The following ANOS1 variants were observed in gnomAD, a reference collection of about 807,000 sequenced individuals.
ANOS1 encodes the protein anosmin 1, also known as anosmin-1.
Under a neutral mutation model 59.0 loss-of-function variants are expected in ANOS1, and 6 were observed. The observed-to-expected ratio is 0.10, with a 90% CI of 0.06 to 0.20. The LOEUF (loss-of-function observed/expected upper bound fraction) is 0.20, where lower values mean the gene tolerates loss of function less well. Ranked by LOEUF, ANOS1 falls within the 10% of genes least tolerant of loss-of-function variation. The probability of loss-of-function intolerance (pLI) is 1.00; values close to 1 mark genes in which losing one functional copy is unlikely to be tolerated. For synonymous variants in ANOS1, 217 were observed against 223.4 expected (o/e 0.97, Z 0.25); for missense variants, 433 against 542.3 (o/e 0.80, Z 2.00).
chrX:8,605,645 CAAAAA>C (rs368596236), intron 3 of ANOS1, among the ~76,000 whole-genome samples: 1 of 47,916 alleles, frequency 2.1e-5, no homozygotes. Flanking sequence ...GACTCCATCT[CAAAAA>C]AAAAAAAAAA....
intron 2 of ANOS1, among the ~76,000 whole-genome samples, chrX:8,625,580 A>G (rs897784636): frequency 1.4e-4 from 16 of 112,223 alleles, no homozygotes; most frequent in Non-Finnish European, 2.3e-4. Flanking sequence ...ATTTGTTGCC[A>G]TCTTTTTATC....
intron 5 of ANOS1, among the ~76,000 whole-genome samples, chrX:8,587,441 A>G (rs1025561362): frequency 2.1e-4 from 23 of 111,943 alleles, no homozygotes; most frequent in Non-Finnish European, 4.1e-4. Context: ...AGATTATTAA[A>G]TGTCAAATTA....
rs1212480052 is a variant in ANOS1, at chrX:8,662,530, CAT to C, written c.255+37166_255+37167del. 4.5e-5 allele frequency among the ~76,000 whole-genome samples: 5 copies of C among 112,030 alleles called. No homozygotes were observed. In the East Asian group the frequency reaches 8.4e-4, roughly 19 times the overall value. ...AATAACATTTCATGTGGGATGCTGT[CAT>C]AGATTGGACTGTGTTCCCCCCAAAA... On this transcript the variant is annotated intron_variant, in intron 2 of 13. Coordinates refer to ENST00000262648, the MANE Select transcript of ANOS1 (RefSeq NM_000216.4).
In ANOS1 at chrX:8,623,027, GGAT is replaced by G. The variant is rs1247919386; in HGVS notation, c.318+578_318+580del. Among the ~76,000 whole-genome samples, 6 of 89,047 alleles carry G rather than the reference GGAT, an allele frequency of 6.7e-5. No individual in the cohort carries two copies. In the Admixed American group the frequency reaches 7.9e-4, roughly 12 times the overall value. 77.3% of individuals were successfully genotyped at this position (89,047 alleles called of 115,157 possible). ...TGGATGGATAGCTGGATGGATGGAT[GGAT>G]GATGGATGGATGGATGGATGGATGG... On this transcript the variant is annotated intron_variant, in intron 3 of 13. Transcript: ENST00000262648.
intron 2 of ANOS1, among the ~76,000 whole-genome samples, chrX:8,668,598 T>C (rs1932203392): frequency 9.5e-6 from 1 of 105,587 alleles, no homozygotes; most frequent in Admixed American, 1.0e-4. Flanking sequence ...ATACCATATA[T>C]ATATCACAAT....
At chrX:8,592,568 A>C (rs1193581191) in intron 4 of ANOS1, among the ~76,000 whole-genome samples, 1 of 111,484 alleles carries the variant, frequency 9.0e-6, no homozygotes, top group Non-Finnish European at 1.9e-5. Flanking sequence ...CAAGAGAGGC[A>C]GTGGGATTTG....
intron 3 of ANOS1, among the ~76,000 whole-genome samples, chrX:8,612,659 G>T (rs998610701): frequency 2.8e-5 from 3 of 108,227 alleles, no homozygotes; most frequent in African/African-American, 1.0e-4. Flanking sequence ...TTGCAAAAAG[G>T]GTTCATCACT....
chrX:8,732,088 C>A lies in ANOS1; in HGVS notation c.-52G>T. The A allele has an allele frequency of 1.2e-6, 1 of 852,787 alleles. No individual in the cohort carries two copies. Among genetic ancestry groups the A allele is most frequent in the South Asian group, 6.3e-5 (1 of 15,902 alleles). 70.3% of individuals were successfully genotyped at this position (852,787 alleles called of 1,213,427 possible). A position where few individuals can be genotyped will look rare whatever the true frequency, so the allele number is the denominator to read the frequency against. On this transcript the variant is annotated 5_prime_UTR_variant, in exon 1 of 14. It adds an upstream start codon to the 5' untranslated region. Coordinates refer to ENST00000262648, the MANE Select transcript of ANOS1 (RefSeq NM_000216.4). The stretch of plus-strand genomic sequence containing the variant: ...GGCGCCGGGCGCGGGCCGAGGCTCC[C>A]TGCTCCGCGCCGGGGCTGCACTGCT...
At chrX:8,568,996 T>C (rs1755045665) in intron 7 of ANOS1, among the ~76,000 whole-genome samples, 1 of 111,859 alleles carries the variant, frequency 8.9e-6, no homozygotes, top group Admixed American at 9.5e-5. Flanking sequence ...TATAATAAAG[T>C]AACAGAGATC....
chrX:8,633,741 C>A (rs1196262388), intron 2 of ANOS1, among the ~76,000 whole-genome samples: 1 of 112,020 alleles, frequency 8.9e-6, no homozygotes, highest in Non-Finnish European at 1.9e-5. Context: ...CAGCATCTCA[C>A]AGAGGCAGGA....
At chrX:8,600,137 G>T (rs1876382881) in intron 3 of ANOS1, among the ~76,000 whole-genome samples, 1 of 112,023 alleles carries the variant, frequency 8.9e-6, no homozygotes. Context: ...ATGCGTAAGA[G>T]TTGACGGCAA....
At chrX:8,620,199 T>G (rs1931264914) in intron 3 of ANOS1, among the ~76,000 whole-genome samples, 1 of 112,574 alleles carries the variant, frequency 8.9e-6, no homozygotes, top group Non-Finnish European at 1.9e-5. Flanking sequence ...AAGTACTCAA[T>G]TCTGTTGTTG....
intron 2 of ANOS1, among the ~76,000 whole-genome samples, chrX:8,669,532 T>C (rs1384624436): frequency 9.0e-6 from 1 of 110,619 alleles, no homozygotes; most frequent in African/African-American, 3.3e-5. Context: ...TGGCTGATGA[T>C]ATTCAGCATC....
At chrX:8,614,910 A>AAAT (rs1931139181) in intron 3 of ANOS1, among the ~76,000 whole-genome samples, 1 of 110,769 alleles carries the variant, frequency 9.0e-6, no homozygotes. Flanking sequence ...AAATATAAAA[A>AAAT]TTGAGTCTCA....
At chrX:8,640,591 C>G (rs756093551) in intron 2 of ANOS1, among the ~76,000 whole-genome samples, 1 of 31,563 alleles carries the variant, frequency 3.2e-5, no homozygotes, top group African/African-American at 8.5e-5. Context: ...TGAACCTGTA[C>G]AAAAAAAAAA....
intron 2 of ANOS1, among the ~76,000 whole-genome samples, chrX:8,624,220 T>C (rs1931352265): frequency 9.1e-6 from 1 of 109,786 alleles, no homozygotes; most frequent in African/African-American, 3.3e-5. Context: ...TTCACCATGT[T>C]GGCCAGGCTG....
rs977345439 is a variant in ANOS1 at position 8,570,509 on chromosome X, G to T, written c.1052C>A (p.Thr351Asn). ...LVPTKKKRRK[T>N]TDGFQNSVIL... is the part of the protein sequence containing the mutation. ...CCAGTTCCCACTCACCCCATCCGTAGTCTTTCTCCGCTTCTTCTTTGTTGG... is the reference window on the plus strand; with the variant it reads ...CCAGTTCCCACTCACCCCATCCGTATTCTTTCTCCGCTTCTTCTTTGTTGG... Residue 351 changes from threonine (T) to asparagine (N), a missense_variant, in exon 7 of 14, where the codon ACT becomes AAT. Transcript: ENST00000262648. 8.3e-7 allele frequency: 1 copy of T among 1,207,872 alleles called. No individual in the cohort carries two copies. Among genetic ancestry groups the T allele is most frequent in the Admixed American group, 2.2e-5 (1 of 45,996 alleles).
intron 2 of ANOS1, among the ~76,000 whole-genome samples, chrX:8,664,694 T>C (rs1932105156): frequency 9.1e-6 from 1 of 110,403 alleles, no homozygotes; most frequent in Admixed American, 9.6e-5. Context: ...CCAAATAAGG[T>C]GTAAGTTAAG....
chrX:8,723,178 C>T (rs1932887419), intron 1 of ANOS1, among the ~76,000 whole-genome samples: 1 of 112,401 alleles, frequency 8.9e-6, no homozygotes, highest in Non-Finnish European at 1.9e-5. Flanking sequence ...ATACCCAAAA[C>T]CAAACACAAC....
Sources: gnomAD v4.1 joint callset for allele counts (sites outside exome capture counted in the v4.1 genomes callset) on GRCh38, gnomAD v4.1.1 for gene constraint, MANE v1.5 for transcripts, NCBI Gene and HGNC (gene_info 2026-07-23, HGNC 2026-07-21) for gene names.